CCDC169: variants seen among roughly 807,000 people sequenced by gnomAD.
The protein encoded by CCDC169 is coiled-coil domain containing 169.
In CCDC169, 30 loss-of-function variants were observed where a neutral mutation model predicts 36.0. The ratio of observed to expected loss-of-function variants is 0.83; its 90% CI spans 0.62 to 1.13. The LOEUF (loss-of-function observed/expected upper bound fraction) is 1.13, where lower values mean the gene tolerates loss of function less well. Ranked by LOEUF, CCDC169 falls within the 50% of genes most tolerant of loss-of-function variation. CCDC169 has a pLI of 0.00. For missense variants in CCDC169, 245 were observed against 245.9 expected (o/e 1.00, Z 0.03); for synonymous variants, 85 against 81.5 (o/e 1.04, Z -0.23).
At chr13:36,251,968 A>C (rs1233759634) in intron 6 of CCDC169, among the ~76,000 whole-genome samples, 1 of 152,246 alleles carries the variant, frequency 6.6e-6, no homozygotes, top group African/African-American at 2.4e-5. Flanking sequence ...AAACCCCTGC[A>C]AGATACTGAT....
intron 7 of CCDC169, among the ~76,000 whole-genome samples, chr13:36,247,229 T>C (rs931973254): frequency 2.6e-5 from 4 of 152,222 alleles, no homozygotes; most frequent in African/African-American, 9.6e-5. Context: ...TTTGAGAATG[T>C]ACCTGGTTAC....
chr13:36,282,735 A>C (rs1877688580), intron 4 of CCDC169: 1 of 165,630 alleles, frequency 6.0e-6, no homozygotes, highest in African/African-American at 2.4e-5. Context: ...CATCAAGGAA[A>C]ATAAATGTAT....
rs184516088 is a variant in CCDC169, at chr13:36,283,492, G to A, written c.292C>T (p.Arg98Cys). 18 of 1,549,896 alleles carry A rather than the reference G, an allele frequency of 1.2e-5. No individual in the cohort carries two copies. The highest frequency in any genetic ancestry group is 1.5e-5 in the Non-Finnish European group (17 of 1,145,662). ...ACCACTGGCATTCGTTCATAGACAC[G>A]AATAGAAGATAGTCTATCTACAATA... The part of the protein sequence containing the change: ...GNSSDRLSSI[R>C]VYERMPVESL... Residue 98 changes from arginine (R) to cysteine (C), a missense_variant, in exon 4 of 8, where the codon CGT becomes TGT. By Grantham distance (180) the Arg-to-Cys change is radical. Transcript: ENST00000239859.
At chr13:36,282,280 A>G (rs1233872387) in intron 4 of CCDC169, 18 of 797,410 alleles carry the variant, frequency 2.3e-5, no homozygotes, top group Non-Finnish European at 2.7e-5. Context: ...GAAGCCAAAA[A>G]TATGTCTGCA....
chr13:36,254,207 T>C, intron 4 of CCDC169, 64 bp from the exon 5 acceptor site: 1 of 1,126,830 alleles, frequency 8.9e-7, no homozygotes, highest in Non-Finnish European at 1.2e-6. Context: ...GAAATGACCA[T>C]CAATTTCTTC....
At chr13:36,246,640 G>A (rs1480635049) in intron 7 of CCDC169, among the ~76,000 whole-genome samples, 2 of 152,208 alleles carry the variant, frequency 1.3e-5, no homozygotes, top group African/African-American at 4.8e-5. Flanking sequence ...ACCTGTTGCT[G>A]CAATTTTTTG....
intron 7 of CCDC169, among the ~76,000 whole-genome samples, chr13:36,246,188 C>G (rs1872487682): frequency 6.6e-6 from 1 of 152,204 alleles, no homozygotes; most frequent in Non-Finnish European, 1.5e-5. Context: ...TTGCACATCT[C>G]TCACTTTAAT....
intron 7 of CCDC169, among the ~76,000 whole-genome samples, chr13:36,234,264 T>A (rs1357161410): frequency 6.6e-6 from 1 of 152,142 alleles, no homozygotes; most frequent in African/African-American, 2.4e-5. Flanking sequence ...ATATGATTCA[T>A]GTCTGTGATT....
intron 7 of CCDC169, among the ~76,000 whole-genome samples, chr13:36,235,242 T>G (rs1870931280): frequency 1.3e-5 from 2 of 151,584 alleles, no homozygotes; most frequent in Admixed American, 1.3e-4. Context: ...TACCACATAT[T>G]AAATCATACA....
chr13:36,267,248 C>T (rs953303631), intron 4 of CCDC169: 4 of 152,186 alleles, frequency 2.6e-5, no homozygotes, highest in African/African-American at 9.7e-5. Flanking sequence ...GAATGACACA[C>T]AAATTCATGA....
At chr13:36,238,299 C>T (rs1471568560) in intron 7 of CCDC169, among the ~76,000 whole-genome samples, 2 of 152,108 alleles carry the variant, frequency 1.3e-5, no homozygotes, top group African/African-American at 4.8e-5. Flanking sequence ...TGGGGTCTGG[C>T]TCTGTTGCCC....
intron 7 of CCDC169, among the ~76,000 whole-genome samples, chr13:36,243,217 T>G (rs1232607404): frequency 6.6e-6 from 1 of 152,152 alleles, no homozygotes; most frequent in African/African-American, 2.4e-5. Flanking sequence ...ATAAACTTCC[T>G]GGCCAGGTGC....
Position 36,230,919 on chromosome 13 carries a change from T to C in CCDC169, c.*274A>G, listed in dbSNP as rs1169462891. On this transcript the variant is annotated 3_prime_UTR_variant, in exon 8 of 8. Transcript: ENST00000239859. ...CGTTACTATCAGAGCAGATCATGGG[T>C]ATATTATTGAAAGCAAGTGTAATGA... is the stretch of plus-strand genomic sequence containing the variant. 8.8e-7 allele frequency: 1 copy of C among 1,138,544 alleles called. No individual in the cohort carries two copies. Among genetic ancestry groups the C allele is most frequent in the African/African-American group, 1.6e-5 (1 of 61,566 alleles). The allele number at this position is 1,138,544 out of a possible 1,614,324, so 70.5% of individuals were successfully genotyped here. A position where few individuals can be genotyped will look rare whatever the true frequency, so the allele number is the denominator to read the frequency against.
intron 2 of CCDC169, among the ~76,000 whole-genome samples, chr13:36,290,359 A>T (rs940233153): frequency 1.3e-5 from 2 of 152,238 alleles, no homozygotes; most frequent in African/African-American, 4.8e-5. Flanking sequence ...GCCTAAATTG[A>T]CACTAAATAA....
At chr13:36,293,932 T>C (rs369435514) in intron 2 of CCDC169, among the ~76,000 whole-genome samples, 1 of 152,130 alleles carries the variant, frequency 6.6e-6, no homozygotes, top group Non-Finnish European at 1.5e-5. Context: ...ATGTGGTAGA[T>C]GGAAGTTGTA....
At chr13:36,269,475 G>GGATAC (rs1875761158) in intron 4 of CCDC169, among the ~76,000 whole-genome samples, 1 of 152,072 alleles carries the variant, frequency 6.6e-6, no homozygotes, top group Non-Finnish European at 1.5e-5. Context: ...AACAAAAAAA[G>GGATAC]AAAACTACAG....
intron 4 of CCDC169, among the ~76,000 whole-genome samples, chr13:36,275,460 A>G (rs1197646112): frequency 6.6e-6 from 1 of 152,164 alleles, no homozygotes; most frequent in Non-Finnish European, 1.5e-5. Context: ...GTACCTATCA[A>G]TTGACCATTC....
In CCDC169 at chr13:36,253,803, C is replaced by T; in HGVS notation, c.468G>A (p.Gln156=). 1.3e-6 allele frequency: 2 copies of T among 1,548,480 alleles called. No individual in the cohort carries two copies. Among genetic ancestry groups the T allele is most frequent in the Admixed American group, 2.0e-5 (1 of 50,310 alleles). ...ERRTYLAEMS[Q]GSGLHQVSKR... Reference sequence around the variant, plus strand: ...GAATTTGGAAATAAAAAAGAGTTACCTGAGACATTTCAGCTAGGTATGTAC... The same window carrying T: ...GAATTTGGAAATAAAAAAGAGTTACTTGAGACATTTCAGCTAGGTATGTAC... Residue 156 remains glutamine (Q), a splice_region_variant and synonymous_variant, in exon 6 of 8, where the codon CAG becomes CAA. Coordinates refer to ENST00000239859, the MANE Select transcript of CCDC169 (RefSeq NM_001144981.3).
chr13:36,296,646 T>C (rs1250807504), intron 1 of CCDC169, among the ~76,000 whole-genome samples: 1 of 152,224 alleles, frequency 6.6e-6, no homozygotes, highest in Admixed American at 6.5e-5. Flanking sequence ...TGAGTGCCTA[T>C]TATGTTCAAG....
Sources: allele counts gnomAD v4.1 joint callset (sites outside exome capture counted in the v4.1 genomes callset), GRCh38; gene constraint gnomAD v4.1.1; transcripts MANE v1.5; gene names NCBI Gene and HGNC (gene_info 2026-07-23, HGNC 2026-07-21).